The following DCC variants were observed in gnomAD, a reference collection of about 807,000 sequenced individuals.
DCC encodes netrin receptor DCC.
DCC carries 58 observed loss-of-function variants against 172.5 expected under a neutral mutation model. The ratio of observed to expected loss-of-function variants is 0.34; its 90% CI spans 0.27 to 0.42. The LOEUF is 0.42. DCC is among the 10% of genes least tolerant of loss of function. The pLI, the probability that DCC is intolerant of heterozygous loss-of-function variation, is 1.00. For synonymous variants in DCC, 709 were observed against 644.5 expected (o/e 1.10, Z -1.52); for missense variants, 1,740 against 1,791.0 (o/e 0.97, Z 0.51).
chr18:52,780,508 A>C (rs1256165066), intron 2 of DCC, among the ~76,000 whole-genome samples: 1 of 152,200 alleles, frequency 6.6e-6, no homozygotes, highest in Non-Finnish European at 1.5e-5. Flanking sequence ...ACTTAATCTA[A>C]GTTTTATATG....
intron 20 of DCC, among the ~76,000 whole-genome samples, chr18:53,412,245 T>A (rs1452058924): frequency 1.4e-4 from 22 of 152,196 alleles, no homozygotes; most frequent in Non-Finnish European, 1.5e-5. Context: ...TTTAATATTG[T>A]CTACCCTAAA....
rs80154188 is a variant in DCC at position 52,423,133 on chromosome 18, C to G, written c.91+82255C>G. On this transcript the variant is annotated intron_variant, in intron 1 of 28. Coordinates refer to ENST00000442544, the MANE Select transcript of DCC (RefSeq NM_005215.4). ...GTATGGTACTTACATGTGTCATGCT[C>G]TGTATTAAAGCCTATGGGAAAAGCA... 1.9e-3 allele frequency among the ~76,000 whole-genome samples: 285 copies of G among 152,242 alleles called. 6 individuals carry two copies. In the East Asian group the frequency reaches 0.045, roughly 24 times the overall value.
At chr18:53,431,477 G>T (rs60855651) in intron 21 of DCC, among the ~76,000 whole-genome samples, 105,309 of 149,506 alleles carry the variant, frequency 0.7, 38,735 homozygotes, top group Non-Finnish European at 0.82. Context: ...GTTTTTTGTT[G>T]TTGTTGTTGT....
chr18:53,241,489 G>A (rs772495977), intron 12 of DCC, among the ~76,000 whole-genome samples: 3 of 152,108 alleles, frequency 2.0e-5, no homozygotes, highest in East Asian at 1.9e-4. Flanking sequence ...AAAGCTTCCC[G>A]CAGTTTCATG....
At chr18:53,094,381 G>A (rs2043055128) in intron 7 of DCC, among the ~76,000 whole-genome samples, 1 of 152,126 alleles carries the variant, frequency 6.6e-6, no homozygotes, top group Non-Finnish European at 1.5e-5. Flanking sequence ...ATAACTAGAA[G>A]ATCATAAAGC....
At chr18:52,729,783 T>C (rs1002173452) in intron 1 of DCC, among the ~76,000 whole-genome samples, 2 of 152,202 alleles carry the variant, frequency 1.3e-5, no homozygotes, top group African/African-American at 4.8e-5. Flanking sequence ...TGTTCCTGGT[T>C]AGAATGTTAA....
chr18:52,856,589 G>A (rs1217582358), intron 2 of DCC, among the ~76,000 whole-genome samples: 1 of 125,054 alleles, frequency 8.0e-6, no homozygotes, highest in Non-Finnish European at 1.6e-5. Flanking sequence ...TTGCGCCACT[G>A]CACTCCAGCC....
At chr18:52,700,573 G>A (rs1012772135) in intron 1 of DCC, among the ~76,000 whole-genome samples, 2 of 152,102 alleles carry the variant, frequency 1.3e-5, no homozygotes, top group African/African-American at 4.8e-5. Context: ...CATGAACAAA[G>A]ATTATCTTAT....
chr18:53,055,874 C>T (rs967624171), intron 5 of DCC, among the ~76,000 whole-genome samples: 3 of 152,068 alleles, frequency 2.0e-5, no homozygotes, highest in African/African-American at 7.2e-5. Flanking sequence ...ATTTAAAGAT[C>T]AAGTTAGCCA....
chr18:52,377,344 G>A (rs1370323407), intron 1 of DCC, among the ~76,000 whole-genome samples: 1 of 152,152 alleles, frequency 6.6e-6, no homozygotes, highest in Non-Finnish European at 1.5e-5. Context: ...GACAAGTAAA[G>A]TGCACATCAG....
At chr18:53,160,633 A>G (rs1379212245) in intron 8 of DCC, among the ~76,000 whole-genome samples, 2 of 152,188 alleles carry the variant, frequency 1.3e-5, no homozygotes, top group African/African-American at 2.4e-5. Context: ...ATTCATAGCT[A>G]CTAATCTCCT....
intron 12 of DCC, among the ~76,000 whole-genome samples, chr18:53,291,516 C>G (rs2057004528): frequency 6.6e-6 from 1 of 152,124 alleles, no homozygotes; most frequent in Middle Eastern, 3.4e-3. Context: ...TTTCCATGTT[C>G]CAAAACACAA....
At chr18:53,303,293 G>A (rs2057161458) in intron 12 of DCC, among the ~76,000 whole-genome samples, 1 of 152,046 alleles carries the variant, frequency 6.6e-6, no homozygotes, top group African/African-American at 2.4e-5. Flanking sequence ...ATATTCTTGT[G>A]TTTTTATCCT....
intron 12 of DCC, among the ~76,000 whole-genome samples, chr18:53,281,762 A>ATTTT (rs754969859): frequency 6.1e-5 from 7 of 115,302 alleles, no homozygotes; most frequent in African/African-American, 1.9e-4. Context: ...TTAATGGGGG[A>ATTTT]TTTTTTTTTT....
intron 10 of DCC, 68 bp downstream of exon 10, chr18:53,205,432 G>T (rs7227069): frequency 6.6e-7 from 1 of 1,506,068 alleles, no homozygotes; most frequent in South Asian, 1.1e-5. Flanking sequence ...TAGCTCTAGG[G>T]CTGGAGAAAT....
At chr18:53,186,308 G>A (rs543308203) in intron 9 of DCC, among the ~76,000 whole-genome samples, 5 of 152,194 alleles carry the variant, frequency 3.3e-5, no homozygotes, top group South Asian at 2.1e-4. Flanking sequence ...GGAGAAAGAG[G>A]TTCCCTAAGT....
chr18:52,904,381 C>G (rs1471904689), intron 2 of DCC, among the ~76,000 whole-genome samples: 1 of 152,134 alleles, frequency 6.6e-6, no homozygotes, highest in Non-Finnish European at 1.5e-5. Flanking sequence ...GTCCAAAACT[C>G]TAATCCCTAA....
intron 12 of DCC, among the ~76,000 whole-genome samples, chr18:53,244,163 T>C (rs192940729): frequency 6.8e-4 from 104 of 152,306 alleles, no homozygotes; most frequent in Non-Finnish European, 1.2e-3. Context: ...GAAAACTGAA[T>C]GTTCTTCACT....
intron 2 of DCC, among the ~76,000 whole-genome samples, chr18:52,764,784 C>T (rs1311885760): frequency 2.6e-5 from 4 of 152,124 alleles, no homozygotes; most frequent in African/African-American, 9.7e-5. Flanking sequence ...GACAATTTTC[C>T]ATGTACTGAT....
Sources: allele counts gnomAD v4.1 joint callset (sites outside exome capture counted in the v4.1 genomes callset), GRCh38; gene constraint gnomAD v4.1.1; transcripts MANE v1.5; gene names NCBI Gene and HGNC (gene_info 2026-07-23, HGNC 2026-07-21).